PUM1: variants seen among roughly 807,000 people sequenced by gnomAD.
PUM1 encodes pumilio RNA binding family member 1.
PUM1 carries 13 observed loss-of-function variants against 131.8 expected under a neutral mutation model. That is an observed-to-expected ratio of 0.10 (90% CI 0.06 to 0.16). The LOEUF is 0.16. Among genes scored for constraint, PUM1 ranks in the 10% least tolerant of loss-of-function variants. PUM1 has a pLI of 1.00. For synonymous variants in PUM1, 509 were observed against 556.5 expected (o/e 0.91, Z 1.20); for missense variants, 961 against 1,512.4 (o/e 0.64, Z 6.05).
chr1:31,056,888 G>A (rs1644254144), intron 2 of PUM1, among the ~76,000 whole-genome samples: 1 of 151,914 alleles, frequency 6.6e-6, no homozygotes, highest in South Asian at 2.1e-4. Flanking sequence ...CCTGTCCCAG[G>A]TTCAAGTGAC....
At chr1:31,015,284 A>T (rs1211159629) in intron 3 of PUM1, among the ~76,000 whole-genome samples, 1 of 152,206 alleles carries the variant, frequency 6.6e-6, no homozygotes, top group African/African-American at 2.4e-5. Flanking sequence ...ATTCACTGCA[A>T]ATAAATAAGG....
At chr1:30,987,411 G>T (rs1641606433) in intron 7 of PUM1, among the ~76,000 whole-genome samples, 5 of 152,080 alleles carry the variant, frequency 3.3e-5, no homozygotes, top group African/African-American at 1.2e-4. Context: ...TGGCCAGGCT[G>T]CTCTCGAACT....
At chr1:31,005,791 AAGAGAGAGAGAGAGAGAG>A in intron 5 of PUM1, 44 bp downstream of exon 5, 12 of 1,313,026 alleles carry the variant, frequency 9.1e-6, no homozygotes, top group South Asian at 3.4e-5. Context: ...AGGGGAAAAA[AAGAGAGAGAGAGAGAGAG>A]AGAGAGAGAG....
intron 5 of PUM1, among the ~76,000 whole-genome samples, chr1:30,996,675 G>C (rs1026052691): frequency 6.6e-6 from 1 of 152,162 alleles, no homozygotes; most frequent in Non-Finnish European, 1.5e-5. Context: ...CTTCAGAATA[G>C]AATCTTTAAA....
chr1:30,969,259 G>A (rs898213882), intron 10 of PUM1, among the ~76,000 whole-genome samples: 3 of 140,324 alleles, frequency 2.1e-5, no homozygotes, highest in Non-Finnish European at 4.5e-5. Flanking sequence ...AGCTGAGATC[G>A]AGACACTTCG....
At chr1:30,935,054 T>C (rs1428083580) in intron 21 of PUM1, among the ~76,000 whole-genome samples, 1 of 152,304 alleles carries the variant, frequency 6.6e-6, no homozygotes, top group East Asian at 1.9e-4. Flanking sequence ...CCCTATTCTG[T>C]CCACTTCTCT....
At chr1:30,964,621 C>T in intron 14 of PUM1, 53 bp downstream of exon 14, 3 of 1,459,514 alleles carry the variant, frequency 2.1e-6, no homozygotes, top group Non-Finnish European at 2.9e-6. Flanking sequence ...GTAATGTCAT[C>T]GGTGGCAAGA....
At chr1:31,057,023 C>T (rs1644256776) in intron 2 of PUM1, among the ~76,000 whole-genome samples, 1 of 152,122 alleles carries the variant, frequency 6.6e-6, no homozygotes, top group African/African-American at 2.4e-5. Context: ...AAACTCCTTA[C>T]CTCAGGTGAT....
At chr1:30,940,778 T>C (rs918018705) in intron 20 of PUM1, among the ~76,000 whole-genome samples, 4 of 152,168 alleles carry the variant, frequency 2.6e-5, no homozygotes, top group Non-Finnish European at 5.9e-5. Context: ...ATCCTAAGAA[T>C]ACTAAGGCCT....
chr1:31,036,390 T>C (rs1018864144), intron 2 of PUM1, among the ~76,000 whole-genome samples: 2 of 152,048 alleles, frequency 1.3e-5, no homozygotes, highest in Non-Finnish European at 2.9e-5. Context: ...CTTTATGCCT[T>C]TTACCACTTG....
At chr1:30,979,784 G>A (rs576210566) in intron 9 of PUM1, among the ~76,000 whole-genome samples, 2 of 152,214 alleles carry the variant, frequency 1.3e-5, no homozygotes, top group East Asian at 3.9e-4. Context: ...TCTGGGCAAG[G>A]GGGGAAATTC....
intron 5 of PUM1, among the ~76,000 whole-genome samples, 162 bp from the exon 6 acceptor site, chr1:30,995,382 CT>C (rs978586594): frequency 6.6e-6 from 1 of 152,208 alleles, no homozygotes; most frequent in African/African-American, 2.4e-5. Context: ...GGCAGGAACA[CT>C]GCAGAAGGTC....
intron 10 of PUM1, among the ~76,000 whole-genome samples, chr1:30,971,581 C>A (rs1438508670): frequency 6.6e-6 from 1 of 152,146 alleles, no homozygotes; most frequent in East Asian, 1.9e-4. Flanking sequence ...TAAGTCAAGA[C>A]ATCACAATAT....
intron 19 of PUM1, 144 bp from the exon 20 acceptor site, chr1:30,941,416 G>T: frequency 1.3e-6 from 1 of 768,838 alleles, no homozygotes; most frequent in Non-Finnish European, 2.0e-6. Context: ...CAATTTTTAA[G>T]ACAGGTAGTA....
chr1:31,041,455 A>G (rs1643811774), intron 2 of PUM1, among the ~76,000 whole-genome samples: 1 of 151,994 alleles, frequency 6.6e-6, no homozygotes, highest in African/African-American at 2.4e-5. Flanking sequence ...ATACTTTGAT[A>G]TAGCTTGGAT....
chr1:30,983,950 T>C (rs1454810096), intron 7 of PUM1, among the ~76,000 whole-genome samples: 3 of 152,194 alleles, frequency 2.0e-5, no homozygotes, highest in Non-Finnish European at 4.4e-5. Context: ...GTATGTGTAC[T>C]GTATCTGTAA....
intron 3 of PUM1, among the ~76,000 whole-genome samples, chr1:31,013,394 C>T (rs1040690983): frequency 1.3e-5 from 2 of 152,208 alleles, no homozygotes; most frequent in South Asian, 4.1e-4. Flanking sequence ...ACTGCTTACA[C>T]ACTCAATACA....
chr1:30,980,265 A>G (rs1641307267), intron 8 of PUM1, 102 bp from the exon 9 acceptor site: 1 of 899,716 alleles, frequency 1.1e-6, no homozygotes, highest in African/African-American at 1.7e-5. Context: ...GTAGATAAGG[A>G]AAAAATGAAA....
chr1:30,994,320 C>T (rs1316402416), intron 6 of PUM1, among the ~76,000 whole-genome samples: 1 of 152,010 alleles, frequency 6.6e-6, no homozygotes, highest in African/African-American at 2.4e-5. Context: ...TCTACCTGTA[C>T]TATCACACTG....
Sources: allele counts gnomAD v4.1 joint callset (sites outside exome capture counted in the v4.1 genomes callset), GRCh38; gene constraint gnomAD v4.1.1; transcripts MANE v1.5; gene names NCBI Gene and HGNC (gene_info 2026-07-23, HGNC 2026-07-21).